KLC1: variants seen among roughly 807,000 people sequenced by gnomAD.
The protein encoded by KLC1 is kinesin 2 60/70kDa.
Under a neutral mutation model 84.2 loss-of-function variants are expected in KLC1, and 30 were observed. The observed-to-expected ratio is 0.36, with a 90% CI of 0.27 to 0.48. KLC1 has a LOEUF of 0.48. KLC1 is among the 20% of genes least tolerant of loss of function. The pLI is 0.99. For missense variants in KLC1, 499 were observed against 805.4 expected, an observed-to-expected ratio of 0.62 and a Z score of 4.60; for synonymous variants, 289 against 293.3, an observed-to-expected ratio of 0.99 and a Z score of 0.15.
At chr14:103,665,312 A>G (rs541256793) in intron 5 of KLC1, among the ~76,000 whole-genome samples, 70 of 152,104 alleles carry the variant, frequency 4.6e-4, no homozygotes, top group African/African-American at 1.6e-3. Context: ...TGACGTCCCA[A>G]AGTGCTGGGA....
rs950634337 is a variant in KLC1, at chr14:103,701,468, A to G, written c.*269A>G. The G allele has an allele frequency of 6.9e-6, 3 of 431,940 alleles. No homozygotes were observed. The highest frequency in any genetic ancestry group is 6.0e-5 in the African/African-American group (3 of 50,058). 26.8% of individuals were successfully genotyped at this position (431,940 alleles called of 1,614,324 possible). A position where few individuals can be genotyped will look rare whatever the true frequency, so the allele number is the denominator to read the frequency against. On this transcript the variant is annotated 3_prime_UTR_variant, in exon 17 of 17. Transcript: ENST00000334553. ...GAGCTGGGCCCACGGCTCCCTTCCCATGTGTAACTTCCTCACGTTGTGTGC... is the reference window on the plus strand; with the variant it reads ...GAGCTGGGCCCACGGCTCCCTTCCCGTGTGTAACTTCCTCACGTTGTGTGC...
chr14:103,654,804 G>A lies in KLC1; in HGVS notation c.240G>A (p.Glu80=), dbSNP rs756058549. ...NMIRKSLEML[E]LGLSEAQVMM... Reference sequence around the variant, plus strand: ...TCCGGAAGTCACTGGAGATGTTGGAGCTCGGCCTGAGTGAGGCACAGGTAC... The same window carrying A: ...TCCGGAAGTCACTGGAGATGTTGGAACTCGGCCTGAGTGAGGCACAGGTAC... The change falls in exon 2 of 17, where the codon GAG becomes GAA. Residue 80 remains glutamate, a synonymous_variant. Transcript: ENST00000334553. 8 of 1,614,062 alleles carry A rather than the reference G, an allele frequency of 5.0e-6. No individual in the cohort carries two copies. The East Asian group carries it at 1.1e-4, about 22-fold the overall frequency.
At chr14:103,657,874 CAT>C in intron 3 of KLC1, 98 bp downstream of exon 3, 1 of 844,570 alleles carries the variant, frequency 1.2e-6, no homozygotes, top group South Asian at 1.7e-5. Flanking sequence ...CATATTAGAA[CAT>C]ATTAGAACAT....
At position 103,693,740 on chromosome 14, in the gene KLC1, G is replaced by A. The variant is rs958800162; in HGVS notation, c.1848+1315G>A. 9.6e-6 allele frequency: 14 copies of A among 1,454,914 alleles called. No individual in the cohort carries two copies. The highest frequency in any genetic ancestry group is 5.2e-5 in the Admixed American group (2 of 38,566). The allele number at this position is 1,454,914 out of a possible 1,614,324, so 90.1% of individuals were successfully genotyped here. A position where few individuals can be genotyped will look rare whatever the true frequency, so the allele number is the denominator to read the frequency against. On this transcript the variant is annotated intron_variant, in intron 15 of 16. Coordinates refer to ENST00000334553, the MANE Select transcript of KLC1 (RefSeq NM_001394837.1). The surrounding 1 kb of genome is among the most constrained non-coding windows in gnomAD (Gnocchi z 5.1). ...TTGGCTTCCTTTCCTAGATAGTGAC[G>A]TCCACCAACCTTGGAGGTGCCTTTT... is the stretch of plus-strand genomic sequence containing the variant.
chr14:103,670,340 T>G (rs1456515972), intron 7 of KLC1, 57 bp downstream of exon 7: 114 of 352,186 alleles, frequency 3.2e-4, no homozygotes, highest in Middle Eastern at 9.0e-4. Context: ...GTGTGTGTGG[T>G]TTTTTTTTTT....
intron 15 of KLC1, chr14:103,696,595 G>A (rs754941257): frequency 1.3e-5 from 13 of 985,494 alleles, no homozygotes; most frequent in Non-Finnish European, 1.6e-5. Context: ...ATTTCTGAAT[G>A]CTGTAGAGCA....
At chr14:103,700,444 T>G in intron 15 of KLC1, 1 of 476,098 alleles carries the variant, frequency 2.1e-6, no homozygotes, top group Non-Finnish European at 3.7e-6. Context: ...TGGGGGAGGG[T>G]GACACAGCTG....
chr14:103,673,445 TC>T lies in KLC1; in HGVS notation c.1261+17del. ...GTTCTGTAGATGGTAAGAAATATAC[TC>T]CCGTTTCAAGTGAATTTAATTGTAT... On this transcript the variant is annotated intron_variant, in intron 9 of 16. Transcript: ENST00000334553. 6.8e-7 allele frequency: 1 copy of T among 1,479,966 alleles called. No individual in the cohort carries two copies. The highest frequency in any genetic ancestry group is 9.3e-7 in the Non-Finnish European group (1 of 1,078,094). 91.7% of individuals were successfully genotyped at this position (1,479,966 alleles called of 1,614,324 possible).
rs886978948 is a variant in KLC1, at chr14:103,693,847, C to T, written c.1848+1422C>T. On this transcript the variant is annotated intron_variant, in intron 15 of 16. Transcript: ENST00000334553. The surrounding 1 kb of genome is among the most constrained non-coding windows in gnomAD (Gnocchi z 5.1). ...GCCAGGAGCCACCCCGACCGCGACC[C>T]GGCCAGGCTGGCTCAGGGAGGCCGA... 23 of 1,375,170 alleles carry T rather than the reference C, an allele frequency of 1.7e-5. No homozygotes were observed. The highest frequency in any genetic ancestry group is 3.3e-5 in the Admixed American group (1 of 29,858). 85.2% of individuals were successfully genotyped at this position (1,375,170 alleles called of 1,614,324 possible).
intron 1 of KLC1, among the ~76,000 whole-genome samples, chr14:103,642,908 A>G (rs1421439503): frequency 2.0e-5 from 3 of 151,890 alleles, no homozygotes; most frequent in Non-Finnish European, 1.5e-5. Context: ...TGCTGGGACA[A>G]CAGGCGCACA....
chr14:103,698,675 C>A, intron 15 of KLC1: 1 of 882,506 alleles, frequency 1.1e-6, no homozygotes, highest in Non-Finnish European at 1.8e-6. Flanking sequence ...AGCCGCTGCC[C>A]TGGAAGAGCT....
At chr14:103,646,477 T>G (rs1375674360) in intron 1 of KLC1, among the ~76,000 whole-genome samples, 3 of 152,068 alleles carry the variant, frequency 2.0e-5, no homozygotes, top group African/African-American at 7.3e-5. Context: ...ATTTTTAATT[T>G]TTTAATTAAA....
chr14:103,694,551 G>A lies in KLC1; in HGVS notation c.1848+2126G>A, dbSNP rs955625878. 1.0e-6 allele frequency: 1 copy of A among 985,472 alleles called. No homozygotes were observed. The highest frequency in any genetic ancestry group is 4.7e-5 in the South Asian group (1 of 21,292). 61.0% of individuals were successfully genotyped at this position (985,472 alleles called of 1,614,324 possible). A position where few individuals can be genotyped will look rare whatever the true frequency, so the allele number is the denominator to read the frequency against. Reference sequence around the variant, plus strand: ...AATGCTGAGGCTGTATTTCTTAGCCGTCCACAAACTAGTCCATAGGTAAAG... The same window carrying A: ...AATGCTGAGGCTGTATTTCTTAGCCATCCACAAACTAGTCCATAGGTAAAG... On this transcript the variant is annotated intron_variant, in intron 15 of 16. Transcript: ENST00000334553. This position sits in a 1 kb window ranked among gnomAD's most constrained non-coding sequence, Gnocchi z 4.5.
intron 1 of KLC1, among the ~76,000 whole-genome samples, chr14:103,644,076 G>A (rs148089678): frequency 3.3e-5 from 5 of 151,836 alleles, no homozygotes; most frequent in African/African-American, 1.2e-4. Flanking sequence ...TTAGCTGGGT[G>A]TGGTTGCGGG....
chr14:103,638,914 T>TGTGTGC (rs1245737627), intron 1 of KLC1, among the ~76,000 whole-genome samples: 1 of 152,052 alleles, frequency 6.6e-6, no homozygotes, highest in African/African-American at 2.4e-5. Flanking sequence ...TGTGTGTGTG[T>TGTGTGC]GTGCGTGCAT....
At chr14:103,640,444 G>A (rs986790896) in intron 1 of KLC1, among the ~76,000 whole-genome samples, 7 of 151,560 alleles carry the variant, frequency 4.6e-5, no homozygotes, top group Non-Finnish European at 8.8e-5. Flanking sequence ...CACTGCAAGC[G>A]TCACCTCCCG....
intron 3 of KLC1, among the ~76,000 whole-genome samples, chr14:103,661,836 C>G (rs1046265920): frequency 6.6e-6 from 1 of 152,106 alleles, no homozygotes; most frequent in Non-Finnish European, 1.5e-5. Flanking sequence ...AGACCTCCCT[C>G]AAAGCGCGGG....
At chr14:103,631,129 G>GAGC (rs2076648391) in intron 1 of KLC1, among the ~76,000 whole-genome samples, 1 of 151,476 alleles carries the variant, frequency 6.6e-6, no homozygotes, top group Non-Finnish European at 1.5e-5. Flanking sequence ...CGCCCGGGCT[G>GAGC]GAGTGTAGTG....
At chr14:103,665,545 C>T (rs936643582) in intron 5 of KLC1, among the ~76,000 whole-genome samples, 1 of 152,104 alleles carries the variant, frequency 6.6e-6, no homozygotes, top group Non-Finnish European at 1.5e-5. Context: ...ACCATTTCTC[C>T]TGCCTCAGCC....
Sources: gnomAD v4.1 joint callset for allele counts (sites outside exome capture counted in the v4.1 genomes callset) on GRCh38, gnomAD v4.1.1 for gene constraint, Gnocchi (gnomAD v3.1) non-coding constraint, MANE v1.5 for transcripts, NCBI Gene and HGNC (gene_info 2026-07-23, HGNC 2026-07-21) for gene names.